The following SNTG1 variants were observed in gnomAD, a reference collection of about 807,000 sequenced individuals.
SNTG1 encodes the protein syntrophin gamma 1.
A neutral mutation model predicts 74.7 loss-of-function variants in SNTG1; 39 were observed. The ratio of observed to expected loss-of-function variants is 0.52; its 90% CI spans 0.40 to 0.68. The LOEUF (loss-of-function observed/expected upper bound fraction) is 0.68, where lower values mean the gene tolerates loss of function less well. Among genes scored for constraint, SNTG1 ranks in the 30% least tolerant of loss-of-function variants. SNTG1 has a pLI of 0.00. For missense variants in SNTG1, 685 were observed against 609.5 expected, an observed-to-expected ratio of 1.12 and a Z score of -1.30; for synonymous variants, 254 against 217.1, an observed-to-expected ratio of 1.17 and a Z score of -1.49.
intron 10 of SNTG1, among the ~76,000 whole-genome samples, chr8:50,535,719 G>A (rs61710640): frequency 0.02 from 2,984 of 152,274 alleles, 111 homozygotes; most frequent in African/African-American, 0.068. Flanking sequence ...TTTTTCACTG[G>A]AAGCATTGTT....
chr8:50,708,699 A>T, intron 16 of SNTG1, 187 bp from the exon 17 acceptor site: 1 of 560,606 alleles, frequency 1.8e-6, no homozygotes, highest in South Asian at 2.6e-5. Context: ...GTTAAATAAA[A>T]CCCAACACTC....
At chr8:50,103,423 T>A (rs200251491) in intron 1 of SNTG1, among the ~76,000 whole-genome samples, 14 of 151,012 alleles carry the variant, frequency 9.3e-5, no homozygotes, top group Admixed American at 1.3e-4. Context: ...ATCCTGAGAT[T>A]TTGCTGAAGT....
chr8:50,437,323 A>G (rs2093314681), intron 4 of SNTG1, among the ~76,000 whole-genome samples: 1 of 152,174 alleles, frequency 6.6e-6, no homozygotes. Context: ...AAATTCTGGT[A>G]TGGCAATCTT....
intron 13 of SNTG1, among the ~76,000 whole-genome samples, chr8:50,651,756 C>CTTAT (rs775197687): frequency 1.3e-5 from 2 of 150,258 alleles, no homozygotes; most frequent in Admixed American, 6.7e-5. Flanking sequence ...CTCACCTGGG[C>CTTAT]TTATTTATTT....
chr8:49,915,487 A>G (rs1179956744), intron 1 of SNTG1, among the ~76,000 whole-genome samples: 3 of 152,192 alleles, frequency 2.0e-5, no homozygotes, highest in Non-Finnish European at 4.4e-5. Context: ...AATGGTATAA[A>G]TATAAGTGAT....
At chr8:50,578,775 T>A (rs919484625) in intron 12 of SNTG1, among the ~76,000 whole-genome samples, 1 of 152,190 alleles carries the variant, frequency 6.6e-6, no homozygotes, top group Non-Finnish European at 1.5e-5. Flanking sequence ...GCCATAATTG[T>A]GTTTCCTGAG....
chr8:50,729,932 C>T (rs915912251), intron 17 of SNTG1, among the ~76,000 whole-genome samples: 8 of 152,138 alleles, frequency 5.3e-5, no homozygotes, highest in Admixed American at 2.6e-4. Context: ...AAATCGGCAG[C>T]AGCAGGTACC....
At chr8:50,396,094 A>C (rs1485469039) in intron 3 of SNTG1, among the ~76,000 whole-genome samples, 1 of 152,210 alleles carries the variant, frequency 6.6e-6, no homozygotes, top group Non-Finnish European at 1.5e-5. Context: ...ATATTTCTCA[A>C]ATTCTATTAA....
chr8:50,743,279 C>T (rs7828704), intron 17 of SNTG1, among the ~76,000 whole-genome samples: 56,257 of 151,468 alleles, frequency 0.37, 12,032 homozygotes, highest in African/African-American at 0.59. Context: ...CAGAACTCAG[C>T]AACATATTAA....
intron 2 of SNTG1, among the ~76,000 whole-genome samples, chr8:50,219,863 T>A (rs1370380148): frequency 1.3e-5 from 2 of 152,040 alleles, no homozygotes; most frequent in Non-Finnish European, 2.9e-5. Flanking sequence ...AAAAGGCAAA[T>A]GATAGAAAAG....
chr8:50,429,029 A>G (rs895735377), intron 4 of SNTG1, among the ~76,000 whole-genome samples: 1 of 152,086 alleles, frequency 6.6e-6, no homozygotes, highest in Non-Finnish European at 1.5e-5. Flanking sequence ...ATTTTCATGT[A>G]TTAGAAAACT....
At chr8:50,152,950 C>T (rs1179359718) in intron 1 of SNTG1, among the ~76,000 whole-genome samples, 1 of 152,242 alleles carries the variant, frequency 6.6e-6, no homozygotes, top group Non-Finnish European at 1.5e-5. Flanking sequence ...GAATGTTGGC[C>T]TGCCTTGCTA....
Position 49,985,427 on chromosome 8 carries a change from GC to G in SNTG1, c.-103+73198del, listed in dbSNP as rs371321945. Reference sequence around the variant, plus strand: ...TTACAGGCATGAGCCACCGCACCGAGCCTACAATGTTTTAAATCTATTAAAA... The same window carrying G: ...TTACAGGCATGAGCCACCGCACCGAGCTACAATGTTTTAAATCTATTAAAA... On this transcript the variant is annotated intron_variant, in intron 1 of 18. Transcript: ENST00000642720. Among the ~76,000 whole-genome samples the G allele has an allele frequency of 5.2e-4, 74 of 141,934 alleles. 2 individuals are homozygous for G. The East Asian group carries it at 0.012, about 23-fold the overall frequency. The allele number at this position is 141,934 out of a possible 152,430, so 93.1% of individuals were successfully genotyped here. A position where few individuals can be genotyped will look rare whatever the true frequency, so the allele number is the denominator to read the frequency against.
At chr8:49,980,432 A>G (rs141293702) in intron 1 of SNTG1, among the ~76,000 whole-genome samples, 3 of 133,104 alleles carry the variant, frequency 2.3e-5, no homozygotes, top group Admixed American at 9.1e-5. Context: ...CCTGCTCCCT[A>G]GTTTCTGCCT....
At chr8:50,378,525 G>T (rs1263326521) in intron 2 of SNTG1, among the ~76,000 whole-genome samples, 1 of 152,174 alleles carries the variant, frequency 6.6e-6, no homozygotes, top group Non-Finnish European at 1.5e-5. Flanking sequence ...AATGAGGTGT[G>T]CAGACAAGTG....
chr8:50,224,867 C>T (rs1046179407), intron 2 of SNTG1, among the ~76,000 whole-genome samples: 3 of 152,204 alleles, frequency 2.0e-5, no homozygotes, highest in Non-Finnish European at 4.4e-5. Context: ...TCCTGCAAGG[C>T]TGTCTCTTCT....
At chr8:50,526,646 CAT>C (rs34994608) in intron 9 of SNTG1, among the ~76,000 whole-genome samples, 120,874 of 144,514 alleles carry the variant, frequency 0.84, 48,871 homozygotes, top group East Asian at 0.93. Context: ...TATATACACG[CAT>C]ATATATATAT....
chr8:50,722,694 A>G (rs1177199107), intron 17 of SNTG1, among the ~76,000 whole-genome samples: 1 of 152,188 alleles, frequency 6.6e-6, no homozygotes, highest in Non-Finnish European at 1.5e-5. Context: ...TTTGCCATTG[A>G]CAGTCTTCAA....
intron 18 of SNTG1, among the ~76,000 whole-genome samples, chr8:50,773,061 C>G (rs932098214): frequency 6.6e-6 from 1 of 152,016 alleles, no homozygotes; most frequent in Non-Finnish European, 1.5e-5. Flanking sequence ...TGTAAGTTAC[C>G]CAGCCTCAGA....
Sources: gnomAD v4.1 joint callset for allele counts (sites outside exome capture counted in the v4.1 genomes callset) on GRCh38, gnomAD v4.1.1 for gene constraint, MANE v1.5 for transcripts, NCBI Gene and HGNC (gene_info 2026-07-23, HGNC 2026-07-21) for gene names.